SMOX: variants seen among roughly 807,000 people sequenced by gnomAD.
SMOX encodes spermine oxidase.
In SMOX, 22 loss-of-function variants were observed where a neutral mutation model predicts 51.0. The observed-to-expected ratio is 0.43, with a 90% CI of 0.31 to 0.62. The LOEUF is 0.62. Among genes scored for constraint, SMOX ranks in the 20% least tolerant of loss-of-function variants. The probability of loss-of-function intolerance (pLI) is 0.10; values close to 1 mark genes in which losing one functional copy is unlikely to be tolerated. For synonymous variants in SMOX, 282 were observed against 307.8 expected (o/e 0.92, Z 0.88); for missense variants, 566 against 777.7 (o/e 0.73, Z 3.24).
intron 1 of SMOX, among the ~76,000 whole-genome samples, chr20:4,154,272 A>G (rs188749111): frequency 6.6e-6 from 1 of 152,284 alleles, no homozygotes; most frequent in Admixed American, 6.5e-5. Flanking sequence ...GTGCTTTTCA[A>G]ACTTGAATGC....
intron 1 of SMOX, among the ~76,000 whole-genome samples, chr20:4,168,119 A>G (rs6139344): frequency 0.8 from 101,380 of 127,038 alleles, 38,067 homozygotes; most frequent in African/African-American, 0.91. Context: ...AGAGCGGGGT[A>G]GGGGTGGGGG....
Position 4,172,883 on chromosome 20 carries a change from C to A in SMOX, c.-26-2147C>A, listed in dbSNP as rs1221647733. ...GGGCAGGTGCAATGGGCGGGGGAGG[C>A]ACAAAGAGCAGCTTCTCAGCCTAAG... On this transcript the variant is annotated intron_variant, in intron 1 of 6. Transcript: ENST00000305958. This position sits in a 1 kb window ranked among gnomAD's most constrained non-coding sequence, Gnocchi z 7.7. 2.6e-5 allele frequency among the ~76,000 whole-genome samples: 4 copies of A among 152,210 alleles called. No individual in the cohort carries two copies. The highest frequency in any genetic ancestry group is 6.5e-5 in the Admixed American group (1 of 15,288).
At chr20:4,150,022 C>T (rs1453385732) in intron 1 of SMOX, among the ~76,000 whole-genome samples, 4 of 152,202 alleles carry the variant, frequency 2.6e-5, no homozygotes, top group Admixed American at 2.0e-4. Flanking sequence ...GGCCCTGCCT[C>T]CGCTTGGACT....
intron 6 of SMOX, chr20:4,186,959 G>T: frequency 1.6e-6 from 1 of 617,252 alleles, no homozygotes. Context: ...CCATTTGGAA[G>T]ATGAGAAAAG....
chr20:4,165,245 G>A (rs550005201), intron 1 of SMOX, among the ~76,000 whole-genome samples: 5 of 151,836 alleles, frequency 3.3e-5, no homozygotes, highest in African/African-American at 7.3e-5. Context: ...TAGTAGAGAC[G>A]GGTTTTCACC....
Position 4,187,143 on chromosome 20 carries a change from A to T in SMOX, c.1531-127A>T. On this transcript the variant is annotated intron_variant, in intron 6 of 6. Coordinates refer to ENST00000305958, the MANE Select transcript of SMOX (RefSeq NM_175839.3). This position sits in a 1 kb window ranked among gnomAD's most constrained non-coding sequence, Gnocchi z 4.8. ...CAGCTCTTCATCCTGTGGAAGCAGC[A>T]GCACCTGCGTCTCAGAGCCTCTCTA... 8.2e-7 allele frequency: 1 copy of T among 1,223,348 alleles called. No homozygotes were observed. The highest frequency in any genetic ancestry group is 1.1e-6 in the Non-Finnish European group (1 of 896,870). 75.8% of individuals were successfully genotyped at this position (1,223,348 alleles called of 1,614,324 possible).
Position 4,181,686 on chromosome 20 carries a change from C to G in SMOX, c.436-117C>G. On this transcript the variant is annotated intron_variant, in intron 3 of 6. Transcript: ENST00000305958. This position sits in a 1 kb window ranked among gnomAD's most constrained non-coding sequence, Gnocchi z 5.6. ...ACATCGGATCCCTAAGGGACAGAGA[C>G]CAGGGGCTCAGTGCATCCAGGGGAC... 4.8e-6 allele frequency: 6 copies of G among 1,248,068 alleles called. No homozygotes were observed. In the South Asian group the frequency reaches 8.5e-5, roughly 18 times the overall value. The allele number at this position is 1,248,068 out of a possible 1,614,324, so 77.3% of individuals were successfully genotyped here. A position where few individuals can be genotyped will look rare whatever the true frequency, so the allele number is the denominator to read the frequency against.
Position 4,183,778 on chromosome 20 carries a change from T to A in SMOX, c.1530+124T>A. On this transcript the variant is annotated intron_variant, in intron 6 of 6. Coordinates refer to ENST00000305958, the MANE Select transcript of SMOX (RefSeq NM_175839.3). The surrounding 1 kb of genome is among the most constrained non-coding windows in gnomAD (Gnocchi z 4.3). ...GTGCTCAGGTGAGGCAGGGATGGAGTAGCTTCTGTAATGAGAGAGAACACA... is the reference window on the plus strand; with the variant it reads ...GTGCTCAGGTGAGGCAGGGATGGAGAAGCTTCTGTAATGAGAGAGAACACA... The A allele has an allele frequency of 9.0e-7, 1 of 1,111,506 alleles. No individual in the cohort carries two copies. Among genetic ancestry groups the A allele is most frequent in the Non-Finnish European group, 1.2e-6 (1 of 826,524 alleles). The allele number at this position is 1,111,506 out of a possible 1,614,324, so 68.9% of individuals were successfully genotyped here.
In SMOX at chr20:4,182,078, T is replaced by A; in HGVS notation, c.610-11T>A. The A allele has an allele frequency of 1.3e-6, 2 of 1,585,898 alleles. No homozygotes were observed. The highest frequency in any genetic ancestry group is 1.7e-6 in the Non-Finnish European group (2 of 1,163,540). ...GGCGGTCACCTGGCTTCTCCTTGGG[T>A]CTTCCCGCAGGTGGAGAGCTGTGAG... On this transcript the variant is annotated splice_polypyrimidine_tract_variant and intron_variant, in intron 4 of 6. Transcript: ENST00000305958. This position sits in a 1 kb window ranked among gnomAD's most constrained non-coding sequence, Gnocchi z 8.4.
At chr20:4,174,753 G>A (rs368184789) in intron 1 of SMOX, among the ~76,000 whole-genome samples, 24 of 152,218 alleles carry the variant, frequency 1.6e-4, no homozygotes, top group East Asian at 1.5e-3. Context: ...GCCTGCTGGC[G>A]GGGACCCAAA....
At chr20:4,158,045 C>A (rs548319411) in intron 1 of SMOX, among the ~76,000 whole-genome samples, 1 of 150,494 alleles carries the variant, frequency 6.6e-6, no homozygotes, top group African/African-American at 2.4e-5. Context: ...GGACTACAGG[C>A]GCCCGCCACC....
chr20:4,150,017 T>A (rs1985654348), intron 1 of SMOX, among the ~76,000 whole-genome samples: 1 of 152,208 alleles, frequency 6.6e-6, no homozygotes, highest in South Asian at 2.1e-4. Flanking sequence ...CCGCTGGCCC[T>A]GCCTCCGCTT....
Position 4,182,980 on chromosome 20 carries a change from C to CT in SMOX, c.1369+133dup. 7.7e-7 allele frequency: 1 copy of CT among 1,296,422 alleles called. No homozygotes were observed. The highest frequency in any genetic ancestry group is 1.0e-6 in the Non-Finnish European group (1 of 967,988). 80.3% of individuals were successfully genotyped at this position (1,296,422 alleles called of 1,614,324 possible). ...GATGCTGTGCCCCACGGGAGAGCCA[C>CT]TGCAGGGTGCCACATTCAGCCAAAG... On this transcript the variant is annotated intron_variant, in intron 5 of 6. Coordinates refer to ENST00000305958, the MANE Select transcript of SMOX (RefSeq NM_175839.3). This position sits in a 1 kb window ranked among gnomAD's most constrained non-coding sequence, Gnocchi z 8.4.
chr20:4,167,099 CTGA>C lies in SMOX; in HGVS notation c.-26-7928_-26-7926del, dbSNP rs1353195335. ...TGGAGCTGGCTAATGGCCACCACCT[CTGA>C]TGCCCCTTCCCCTCAACAATGGGGA... On this transcript the variant is annotated intron_variant, in intron 1 of 6. Coordinates refer to ENST00000305958, the MANE Select transcript of SMOX (RefSeq NM_175839.3). The surrounding 1 kb of genome is among the most constrained non-coding windows in gnomAD (Gnocchi z 4.8). Among the ~76,000 whole-genome samples the C allele has an allele frequency of 1.3e-5, 2 of 152,222 alleles. No homozygotes were observed. Among genetic ancestry groups the C allele is most frequent in the Non-Finnish European group, 2.9e-5 (2 of 68,046 alleles).
At chr20:4,180,865 C>G (rs930534736) in intron 3 of SMOX, among the ~76,000 whole-genome samples, 1 of 152,174 alleles carries the variant, frequency 6.6e-6, no homozygotes, top group Non-Finnish European at 1.5e-5. Context: ...GCAGCCCAAT[C>G]GTGGACTGTC....
rs957167388 is a variant in SMOX at position 4,148,885 on chromosome 20, A to G, written c.-119A>G. On this transcript the variant is annotated 5_prime_UTR_variant, in exon 1 of 7. Coordinates refer to ENST00000305958, the MANE Select transcript of SMOX (RefSeq NM_175839.3). ...CGGTCCCGGCGGCGGCTGGAGGAGG[A>G]AGCCAGGCGGCTGGCGGAGGAGGAG... 8.5e-5 allele frequency: 13 copies of G among 153,004 alleles called. No individual in the cohort carries two copies. Among genetic ancestry groups the G allele is most frequent in the African/African-American group, 3.1e-4 (13 of 41,344 alleles). 9.5% of individuals were successfully genotyped at this position (153,004 alleles called of 1,614,324 possible). A position where few individuals can be genotyped will look rare whatever the true frequency, so the allele number is the denominator to read the frequency against.
At chr20:4,160,366 G>T (rs1986248098) in intron 1 of SMOX, among the ~76,000 whole-genome samples, 1 of 152,146 alleles carries the variant, frequency 6.6e-6, no homozygotes, top group Non-Finnish European at 1.5e-5. Flanking sequence ...AGCCAGGGCA[G>T]TCCTCGGGCC....
At position 4,183,630 on chromosome 20, in the gene SMOX, G is replaced by GT; in HGVS notation, c.1507dup (p.Tyr503LeufsTer17). The GT allele has an allele frequency of 6.3e-7, 1 of 1,591,534 alleles. No individual in the cohort carries two copies. Among genetic ancestry groups the GT allele is most frequent in the Non-Finnish European group, 8.6e-7 (1 of 1,168,944 alleles). ...TGGAGAAGCTGGCCAAGCCCCTGCC[G>GT]TACACAGAGAGCTCAAAGACAGCGG... On this transcript the variant is annotated frameshift_variant, in exon 6 of 7. Coordinates refer to ENST00000305958, the MANE Select transcript of SMOX (RefSeq NM_175839.3). LOFTEE classifies it high-confidence loss of function. The surrounding 1 kb of genome is among the most constrained non-coding windows in gnomAD (Gnocchi z 4.3).
At chr20:4,151,232 T>C (rs1985740508) in intron 1 of SMOX, among the ~76,000 whole-genome samples, 1 of 152,032 alleles carries the variant, frequency 6.6e-6, no homozygotes, top group African/African-American at 2.4e-5. Context: ...CTGCCCTCTG[T>C]GCTCTGACTC....
Sources: allele counts gnomAD v4.1 joint callset (sites outside exome capture counted in the v4.1 genomes callset), GRCh38; gene constraint gnomAD v4.1.1; non-coding constraint Gnocchi (gnomAD v3.1); transcripts MANE v1.5; gene names NCBI Gene and HGNC (gene_info 2026-07-23, HGNC 2026-07-21).